The following FOCAD variants were observed in gnomAD, a reference collection of about 807,000 sequenced individuals.
FOCAD encodes the protein KIAA1797.
Under a neutral mutation model 225.6 loss-of-function variants are expected in FOCAD, and 198 were observed. That is an observed-to-expected ratio of 0.88 (90% confidence interval 0.78 to 0.99). The LOEUF is 0.99. FOCAD is among the 50% of genes least tolerant of loss of function. The pLI is 0.00. For synonymous variants in FOCAD, 897 were observed against 755.0 expected (o/e 1.19, Z -3.08); for missense variants, 2,713 against 2,123.6 (o/e 1.28, Z -5.46).
chr9:20,866,888 CTTTTTTTTT>C lies in FOCAD; in HGVS notation c.2107-20_2107-12del, dbSNP rs10629839. Reference sequence around the variant, plus strand: ...CATGTTGTGTTTTTTTGTTTGCTTGCTTTTTTTTTTTTTTTTTTTTTTTTTTTTTACCCT... The same window carrying C: ...CATGTTGTGTTTTTTTGTTTGCTTGCTTTTTTTTTTTTTTTTTTTTACCCT... On this transcript the variant is annotated intron_variant, in intron 17 of 43. Coordinates refer to ENST00000338382, the MANE Select transcript of FOCAD (RefSeq NM_001375567.1). 1,493 of 341,768 alleles carry C rather than the reference CTTTTTTTTT, an allele frequency of 4.4e-3. 8 individuals carry two copies. In the East Asian group the frequency reaches 0.074, roughly 17 times the overall value. The allele number at this position is 341,768 out of a possible 1,614,324, so 21.2% of individuals were successfully genotyped here.
At chr9:20,704,544 C>T (rs780475998) in intron 1 of FOCAD, among the ~76,000 whole-genome samples, 18 of 152,074 alleles carry the variant, frequency 1.2e-4, no homozygotes, top group Non-Finnish European at 2.5e-4. Context: ...TAGCAGTCTA[C>T]TTGGGGAAAT....
intron 7 of FOCAD, among the ~76,000 whole-genome samples, chr9:20,769,593 A>T (rs977539380): frequency 1.2e-4 from 18 of 152,246 alleles, no homozygotes; most frequent in African/African-American, 3.4e-4. Flanking sequence ...CTGAGCAAGT[A>T]TCTTGCAGAT....
At chr9:20,814,278 TC>T (rs1823406071) in intron 11 of FOCAD, among the ~76,000 whole-genome samples, 1 of 152,172 alleles carries the variant, frequency 6.6e-6, no homozygotes, top group African/African-American at 2.4e-5. Context: ...TTGTTTCTTC[TC>T]TTGCTGTCTT....
At chr9:20,966,877 G>A (rs1353012105) in intron 35 of FOCAD, among the ~76,000 whole-genome samples, 1 of 151,868 alleles carries the variant, frequency 6.6e-6, no homozygotes, top group Non-Finnish European at 1.5e-5. Context: ...CCTATGCACT[G>A]GTCTATATGT....
intron 35 of FOCAD, among the ~76,000 whole-genome samples, chr9:20,955,925 G>A (rs1020181356): frequency 1.5e-5 from 2 of 136,496 alleles, no homozygotes; most frequent in South Asian, 2.3e-4. Context: ...CTATGTAATA[G>A]CATTATTTTT....
intron 1 of FOCAD, among the ~76,000 whole-genome samples, chr9:20,687,874 T>C (rs1198018313): frequency 6.6e-6 from 1 of 152,126 alleles, no homozygotes; most frequent in Non-Finnish European, 1.5e-5. Context: ...TAGAGAAAAC[T>C]GTGTGCAAGG....
chr9:20,979,631 G>A (rs1050577483), intron 37 of FOCAD, among the ~76,000 whole-genome samples: 5 of 152,048 alleles, frequency 3.3e-5, no homozygotes, highest in African/African-American at 9.7e-5. Context: ...GAGCCACCAC[G>A]CTGGGCCTGT....
intron 15 of FOCAD, among the ~76,000 whole-genome samples, chr9:20,858,334 T>A (rs1320381024): frequency 6.6e-6 from 1 of 152,174 alleles, no homozygotes; most frequent in Non-Finnish European, 1.5e-5. Context: ...CATATGTGTC[T>A]AAGAATTTAT....
At chr9:20,970,297 C>T (rs1366476203) in intron 35 of FOCAD, among the ~76,000 whole-genome samples, 1 of 152,018 alleles carries the variant, frequency 6.6e-6, no homozygotes, top group African/African-American at 2.4e-5. Context: ...CATTCTGCCC[C>T]TTTCTCTCCT....
At chr9:20,684,250 A>G (rs1020039952), upstream of FOCAD, 5 of 152,454 alleles carry the variant, frequency 3.3e-5, no homozygotes, top group Non-Finnish European at 5.9e-5. Flanking sequence ...GGGGCGGGCC[A>G]CGTCAGGCAG....
chr9:20,811,158 T>C (rs1388488500), intron 11 of FOCAD, among the ~76,000 whole-genome samples: 4 of 152,122 alleles, frequency 2.6e-5, no homozygotes, highest in African/African-American at 9.6e-5. Flanking sequence ...AGACATAATT[T>C]ATACTCTAAA....
chr9:20,762,958 C>T (rs983864886), intron 6 of FOCAD, among the ~76,000 whole-genome samples: 1 of 152,202 alleles, frequency 6.6e-6, no homozygotes, highest in Non-Finnish European at 1.5e-5. Context: ...GAAGCAATTG[C>T]ACTTTATACC....
At chr9:20,750,289 A>C (rs538754115) in intron 5 of FOCAD, among the ~76,000 whole-genome samples, 1 of 152,312 alleles carries the variant, frequency 6.6e-6, no homozygotes, top group South Asian at 2.1e-4. Flanking sequence ...TGAAAGGGAA[A>C]CAAAAAGATT....
chr9:20,756,972 C>G (rs1180183205), intron 5 of FOCAD, among the ~76,000 whole-genome samples: 1 of 152,106 alleles, frequency 6.6e-6, no homozygotes, highest in Non-Finnish European at 1.5e-5. Context: ...TCTTGTTGCC[C>G]AGGCTGGAGT....
chr9:20,722,964 G>A (rs1342573790), intron 4 of FOCAD, among the ~76,000 whole-genome samples: 1 of 152,206 alleles, frequency 6.6e-6, no homozygotes, highest in Non-Finnish European at 1.5e-5. Flanking sequence ...TGGGGCCAAT[G>A]TAGTATCTTC....
At chr9:20,735,774 C>G (rs1307935928) in intron 4 of FOCAD, among the ~76,000 whole-genome samples, 1 of 149,830 alleles carries the variant, frequency 6.7e-6, no homozygotes, top group Non-Finnish European at 1.5e-5. Flanking sequence ...CTTCTGGCTT[C>G]CAGCCACCAG....
intron 28 of FOCAD, among the ~76,000 whole-genome samples, chr9:20,934,866 T>C (rs1274235431): frequency 6.6e-6 from 1 of 151,728 alleles, no homozygotes; most frequent in Non-Finnish European, 1.5e-5. Flanking sequence ...CCCTTTTTTT[T>C]ACAATAGCTG....
intron 15 of FOCAD, among the ~76,000 whole-genome samples, chr9:20,833,430 T>G (rs1825705444): frequency 6.6e-6 from 1 of 152,126 alleles, no homozygotes; most frequent in African/African-American, 2.4e-5. Context: ...TTTTTCAAAT[T>G]GATTCCAATA....
intron 2 of FOCAD, among the ~76,000 whole-genome samples, chr9:20,665,369 A>G (rs999359958): frequency 7.9e-5 from 12 of 152,146 alleles, no homozygotes; most frequent in Non-Finnish European, 1.8e-4. Flanking sequence ...ACTGCTTAGG[A>G]CAATAAAGCC....
Sources: allele counts gnomAD v4.1 joint callset (sites outside exome capture counted in the v4.1 genomes callset), GRCh38; gene constraint gnomAD v4.1.1; transcripts MANE v1.5; gene names NCBI Gene and HGNC (gene_info 2026-07-23, HGNC 2026-07-21).